Variants in SKOR1 observed in about 807,000 individuals in gnomAD.
SKOR1 encodes the protein SKI family transcriptional corepressor 1, also known as LBX1 corepressor 1.
In SKOR1, 38 loss-of-function variants were observed where a neutral mutation model predicts 72.4. The ratio of observed to expected loss-of-function variants is 0.52; its 90% CI spans 0.40 to 0.69. SKOR1 has a LOEUF of 0.69. SKOR1 is among the 30% of genes least tolerant of loss of function. The probability of loss-of-function intolerance (pLI) is 0.00; values close to 1 mark genes in which losing one functional copy is unlikely to be tolerated. For missense variants in SKOR1, 1,320 were observed against 1,343.2 expected, an observed-to-expected ratio of 0.98 and a Z score of 0.27; for synonymous variants, 642 against 599.4, an observed-to-expected ratio of 1.07 and a Z score of -1.04.
At position 67,826,210 on chromosome 15, in the gene SKOR1, G is replaced by A. The variant is rs867410081; in HGVS notation, c.382G>A (p.Val128Met). Reference sequence around the variant, plus strand: ...CCGCGTGGCCCTGGGCATCACGTGCGTGCAGTGCACGCCGGTACAGCTGGA... The same window carrying A: ...CCGCGTGGCCCTGGGCATCACGTGCATGCAGTGCACGCCGGTACAGCTGGA... Reference protein sequence around the residue: ...NRRVALGITCVQCTPVQLEIL... With the variant: ...NRRVALGITCMQCTPVQLEIL... Residue 128 changes from valine to methionine, a missense_variant, in exon 2 of 9, where the codon GTG becomes ATG. Val to Met is a conservative substitution (Grantham distance 21, BLOSUM62 1). Coordinates refer to ENST00000380035, the MANE Select transcript of SKOR1 (RefSeq NM_001365915.1). 1 of 1,613,346 alleles carries A rather than the reference G, an allele frequency of 6.2e-7. No homozygotes were observed. The highest frequency in any genetic ancestry group is 1.1e-5 in the South Asian group (1 of 91,078).
At position 67,826,879 on chromosome 15, in the gene SKOR1, G is replaced by C. The variant is rs1242512879; in HGVS notation, c.1051G>C (p.Ala351Pro). The change falls in exon 2 of 9, where the codon GCG (alanine) becomes CCG (proline). Residue 351 changes from alanine to proline, a missense_variant. Coordinates refer to ENST00000380035, the MANE Select transcript of SKOR1 (RefSeq NM_001365915.1). ...CCACCCGCAGCGCGGACTTGGCCTG[G>C]CGACTGGAGCTAGTGGCCCGGCGGG... is the stretch of plus-strand genomic sequence containing the variant. ...PPHPQRGLGLATGASGPAGPG... is the reference protein window; with the variant it reads ...PPHPQRGLGLPTGASGPAGPG... 1 of 1,542,794 alleles carries C rather than the reference G, an allele frequency of 6.5e-7. No homozygotes were observed. The highest frequency in any genetic ancestry group is 2.4e-5 in the East Asian group (1 of 41,132).
Position 67,825,756 on chromosome 15 carries a change from A to T in SKOR1, c.107+47A>T. The T allele has an allele frequency of 1.8e-6, 2 of 1,140,770 alleles. No homozygotes were observed. Among genetic ancestry groups the T allele is most frequent in the Non-Finnish European group, 2.6e-6 (2 of 770,212 alleles). 70.7% of individuals were successfully genotyped at this position (1,140,770 alleles called of 1,614,324 possible). On this transcript the variant is annotated intron_variant, in intron 1 of 8. Transcript: ENST00000380035. The surrounding 1 kb of genome is among the most constrained non-coding windows in gnomAD (Gnocchi z 5.6). ...CCCCCAAGCCCCGGGGGCTGTTGTTAACGGCGCCAACATGGGTCTGAGTAA... is the reference window on the plus strand; with the variant it reads ...CCCCCAAGCCCCGGGGGCTGTTGTTTACGGCGCCAACATGGGTCTGAGTAA...
In SKOR1 at chr15:67,827,419, G is replaced by C. The variant is rs1178820816; in HGVS notation, c.1591G>C (p.Gly531Arg). Reference sequence around the variant, plus strand: ...GGCGGCAGCGGCAGCTGCTGGCAGCGGTGCCCCAGAGCCCCTGGACGGTGC... The same window carrying C: ...GGCGGCAGCGGCAGCTGCTGGCAGCCGTGCCCCAGAGCCCCTGGACGGTGC... ...AAAAAAAAGS[G>R]APEPLDGAEP... Residue 531 changes from glycine (G) to arginine (R), a missense_variant, in exon 2 of 9, where the codon GGT becomes CGT. Physicochemically the swap from Gly to Arg is moderately radical, Grantham distance 125. Around this residue, in one of 3 missense-constraint regions of SKOR1, gnomAD observed 1,099 missense variants for 1,025.5 expected, o/e 1.07. Coordinates refer to ENST00000380035, the MANE Select transcript of SKOR1 (RefSeq NM_001365915.1). 1 of 1,523,724 alleles carries C rather than the reference G, an allele frequency of 6.6e-7. No homozygotes were observed. Among genetic ancestry groups the C allele is most frequent in the Admixed American group, 2.0e-5 (1 of 49,502 alleles). 94.4% of individuals were successfully genotyped at this position (1,523,724 alleles called of 1,614,324 possible).
At chr15:67,829,724 C>T (rs1447757126) in intron 3 of SKOR1, among the ~76,000 whole-genome samples, 1 of 152,232 alleles carries the variant, frequency 6.6e-6, no homozygotes, top group Non-Finnish European at 1.5e-5. Flanking sequence ...TGCACTTGCG[C>T]GCCTTACCAG....
In SKOR1 at chr15:67,825,836, C is replaced by G; in HGVS notation, c.108-100C>G. 3 of 1,514,918 alleles carry G rather than the reference C, an allele frequency of 2.0e-6. No homozygotes were observed. The highest frequency in any genetic ancestry group is 1.3e-5 in the South Asian group (1 of 76,602). 93.8% of individuals were successfully genotyped at this position (1,514,918 alleles called of 1,614,324 possible). On this transcript the variant is annotated intron_variant, in intron 1 of 8. Transcript: ENST00000380035. This position sits in a 1 kb window ranked among gnomAD's most constrained non-coding sequence, Gnocchi z 5.6. ...GTTTGGACTCCCCACTGCCAAGTAT[C>G]CCCCGCGCGCCCAACTCGGAGCGCC...
In SKOR1 at chr15:67,827,339, C is replaced by A; in HGVS notation, c.1511C>A (p.Pro504His). 1 of 1,589,034 alleles carries A rather than the reference C, an allele frequency of 6.3e-7. No homozygotes were observed. Among genetic ancestry groups the A allele is most frequent in the South Asian group, 1.1e-5 (1 of 89,964 alleles). ...GGCAGCCTCCCGGTACCGTCCTACC[C>A]CGCTGCTCAGAGCCAAGCCAAGGCC... ...AAGSLPVPSY[P>H]AAQSQAKAVA... The change falls in exon 2 of 9, where the codon CCC becomes CAC. Residue 504 changes from proline (P) to histidine (H), a missense_variant. Physicochemically the swap from Pro to His is moderately conservative, Grantham distance 77 (BLOSUM62 -2). Transcript: ENST00000380035.
intron 4 of SKOR1, 95 bp from the exon 5 acceptor site, chr15:67,830,723 G>C (rs941748439): frequency 7.0e-6 from 8 of 1,148,982 alleles, no homozygotes; most frequent in Non-Finnish European, 1.1e-5. Flanking sequence ...GTCTAGGGTA[G>C]GTCCCTGATT....
In SKOR1 at chr15:67,832,412, C is replaced by T; in HGVS notation, c.2662+64C>T. 3 of 1,570,648 alleles carry T rather than the reference C, an allele frequency of 1.9e-6. No homozygotes were observed. The highest frequency in any genetic ancestry group is 2.6e-6 in the Non-Finnish European group (3 of 1,143,220). On this transcript the variant is annotated intron_variant, in intron 6 of 8. Coordinates refer to ENST00000380035, the MANE Select transcript of SKOR1 (RefSeq NM_001365915.1). The surrounding 1 kb of genome is among the most constrained non-coding windows in gnomAD (Gnocchi z 4.5). ...GAGCCTTCCACCAGGGTGCCCCGAC[C>T]TACTCCGAAAGCCGGGTGCCAGGCA...
Position 67,827,396 on chromosome 15 carries a change from C to T in SKOR1, c.1568C>T (p.Ala523Val). The change falls in exon 2 of 9, where the codon GCG (alanine) becomes GTG (valine). Residue 523 changes from alanine (A) to valine (V), a missense_variant. Physicochemically the swap from Ala to Val is moderately conservative, Grantham distance 64. Transcript: ENST00000380035. ...GCAGCCGTGGCGGCGGCAGCGGCGG[C>T]GGCAGCGGCAGCTGCTGGCAGCGGT... is the stretch of plus-strand genomic sequence containing the variant. ...VAAAVAAAAA[A>V]AAAAAGSGAP... The T allele has an allele frequency of 6.5e-7, 1 of 1,534,664 alleles. No individual in the cohort carries two copies. Among genetic ancestry groups the T allele is most frequent in the South Asian group, 1.2e-5 (1 of 84,410 alleles).
rs1364886697 is a variant in SKOR1, at chr15:67,833,288, G to A, written c.2803+31G>A. 6.2e-7 allele frequency: 1 copy of A among 1,611,360 alleles called. No homozygotes were observed. Among genetic ancestry groups the A allele is most frequent in the East Asian group, 2.2e-5 (1 of 44,876 alleles). ...GAAGCCGGGAAACAAAGATAGGAGGGGTGCTGGGTGCCGGCCGTGCTGTCG... is the reference window on the plus strand; with the variant it reads ...GAAGCCGGGAAACAAAGATAGGAGGAGTGCTGGGTGCCGGCCGTGCTGTCG... On this transcript the variant is annotated intron_variant, in intron 8 of 8. Coordinates refer to ENST00000380035, the MANE Select transcript of SKOR1 (RefSeq NM_001365915.1). This position sits in a 1 kb window ranked among gnomAD's most constrained non-coding sequence, Gnocchi z 6.0.
At chr15:67,831,192 A>T (rs4776986) in intron 5 of SKOR1, among the ~76,000 whole-genome samples, 1 of 152,252 alleles carries the variant, frequency 6.6e-6, no homozygotes, top group Non-Finnish European at 1.5e-5. Context: ...AATGAGTAAC[A>T]ATGATCAGAA....
At position 67,832,383 on chromosome 15, in the gene SKOR1, C is replaced by T. The variant is rs1304518537; in HGVS notation, c.2662+35C>T. On this transcript the variant is annotated intron_variant, in intron 6 of 8. Coordinates refer to ENST00000380035, the MANE Select transcript of SKOR1 (RefSeq NM_001365915.1). The surrounding 1 kb of genome is among the most constrained non-coding windows in gnomAD (Gnocchi z 4.5). ...GCCATCCTGCCTCACCCCACCTCATCACCGAGCCTTCCACCAGGGTGCCCC... is the reference window on the plus strand; with the variant it reads ...GCCATCCTGCCTCACCCCACCTCATTACCGAGCCTTCCACCAGGGTGCCCC... The T allele has an allele frequency of 6.2e-7, 1 of 1,609,084 alleles. No individual in the cohort carries two copies. The highest frequency in any genetic ancestry group is 1.1e-5 in the South Asian group (1 of 90,878).
At chr15:67,829,055 C>A in intron 2 of SKOR1, 124 bp from the exon 3 acceptor site, 2 of 820,006 alleles carry the variant, frequency 2.4e-6, no homozygotes, top group Non-Finnish European at 3.7e-6. Context: ...CCGCTCAAGT[C>A]CAGCGGGCGC....
At chr15:67,831,907 G>T (rs1344381914) in intron 5 of SKOR1, among the ~76,000 whole-genome samples, 3 of 148,446 alleles carry the variant, frequency 2.0e-5, no homozygotes, top group South Asian at 2.1e-4. Flanking sequence ...GCGGTGCGGG[G>T]GGGGGAGGTC....
chr15:67,833,886 A>C lies in SKOR1; in HGVS notation c.*50A>C, dbSNP rs767637549. Reference sequence around the variant, plus strand: ...CCCTCAAGCCATGCTGCTCCTTGTAAATACCCGCTGCTGCGGTGGCCCTGA... The same window carrying C: ...CCCTCAAGCCATGCTGCTCCTTGTACATACCCGCTGCTGCGGTGGCCCTGA... On this transcript the variant is annotated 3_prime_UTR_variant, in exon 9 of 9. Transcript: ENST00000380035. This position sits in a 1 kb window ranked among gnomAD's most constrained non-coding sequence, Gnocchi z 6.0. The C allele has an allele frequency of 1.9e-6, 3 of 1,564,746 alleles. No individual in the cohort carries two copies. The highest frequency in any genetic ancestry group is 1.1e-5 in the South Asian group (1 of 90,294).
At position 67,827,425 on chromosome 15, in the gene SKOR1, C is replaced by G; in HGVS notation, c.1597C>G (p.Pro533Ala). The part of the protein sequence containing the change: ...AAAAAAGSGA[P>A]EPLDGAEPAK... ...AGCGGCAGCTGCTGGCAGCGGTGCC[C>G]CAGAGCCCCTGGACGGTGCCGAGCC... Residue 533 changes from proline (P) to alanine (A), a missense_variant, in exon 2 of 9, where the codon CCA becomes GCA. This residue lies in a region of SKOR1 where 1,099 missense variants were observed against 1,025.5 expected (regional missense o/e 1.07). Coordinates refer to ENST00000380035, the MANE Select transcript of SKOR1 (RefSeq NM_001365915.1). 6.6e-7 allele frequency: 1 copy of G among 1,523,770 alleles called. No homozygotes were observed. Among genetic ancestry groups the G allele is most frequent in the Non-Finnish European group, 8.8e-7 (1 of 1,142,368 alleles). 94.4% of individuals were successfully genotyped at this position (1,523,770 alleles called of 1,614,324 possible).
Position 67,827,568 on chromosome 15 carries a change from G to A in SKOR1, c.1740G>A (p.Pro580=), listed in dbSNP as rs533042998. 9.1e-4 allele frequency: 1,373 copies of A among 1,507,934 alleles called. No individual in the cohort carries two copies. The highest frequency in any genetic ancestry group is 1.1e-3 in the Non-Finnish European group (1,256 of 1,133,980). The allele number at this position is 1,507,934 out of a possible 1,614,324, so 93.4% of individuals were successfully genotyped here. The change falls in exon 2 of 9, where the codon CCG becomes CCA. Residue 580 remains proline, a synonymous_variant. Coordinates refer to ENST00000380035, the MANE Select transcript of SKOR1 (RefSeq NM_001365915.1). ...CACCGCCCCTGGCCCCGTTGCCCCC[G>A]CCGCCCCCGCCGCCCGCACGCAAAG... ...ALPPPLAPLP[P]PPPPPARKGS...
Position 67,832,646 on chromosome 15 carries a change from G to A in SKOR1, c.2702G>A (p.Arg901Gln). Residue 901 changes from arginine to glutamine, a missense_variant, in exon 7 of 9, where the codon CGA becomes CAA. Transcript: ENST00000380035. This position sits in a 1 kb window ranked among gnomAD's most constrained non-coding sequence, Gnocchi z 4.5. Reference protein sequence around the residue: ...QDQMKRELAYREEMVQQLQIV... With the variant: ...QDQMKRELAYQEEMVQQLQIV... ...CAAATGAAGAGGGAATTGGCTTATC[G>A]AGAAGAAATGGTGCAACAGCTGCAA... 1.9e-6 allele frequency: 3 copies of A among 1,614,042 alleles called. No homozygotes were observed. Among genetic ancestry groups the A allele is most frequent in the Non-Finnish European group, 2.5e-6 (3 of 1,180,006 alleles).
Position 67,826,668 on chromosome 15 carries a change from C to A in SKOR1, c.840C>A (p.Phe280Leu), listed in dbSNP as rs763369734. ...MFNGGTRKRT[F>L]SLQGGGGGGA... ...ATGGCGGCACGCGCAAGCGGACCTT[C>A]TCCCTACAAGGAGGCGGCGGAGGCG... Residue 280 changes from phenylalanine (F) to leucine (L), a missense_variant, in exon 2 of 9, where the codon TTC becomes TTA. Physicochemically the swap from Phe to Leu is conservative, Grantham distance 22 (BLOSUM62 0). This residue lies in a region of SKOR1 where 1,099 missense variants were observed against 1,025.5 expected (regional missense o/e 1.07). Coordinates refer to ENST00000380035, the MANE Select transcript of SKOR1 (RefSeq NM_001365915.1). 3 of 1,599,616 alleles carry A rather than the reference C, an allele frequency of 1.9e-6. No individual in the cohort carries two copies. In the South Asian group the frequency reaches 3.3e-5, roughly 18 times the overall value.
Sources: allele counts gnomAD v4.1 joint callset (sites outside exome capture counted in the v4.1 genomes callset), GRCh38; gene constraint gnomAD v4.1.1; regional missense constraint gnomAD v4.1.1; non-coding constraint Gnocchi (gnomAD v3.1); transcripts MANE v1.5; gene names NCBI Gene and HGNC (gene_info 2026-07-23, HGNC 2026-07-21).